The following TBC1D1 variants were observed in gnomAD, a reference collection of about 807,000 sequenced individuals.
The protein encoded by TBC1D1 is TBC1 (tre-2/USP6, BUB2, cdc16) domain family, member 1.
Under a neutral mutation model 125.6 loss-of-function variants are expected in TBC1D1, and 89 were observed. That is an observed-to-expected ratio of 0.71 (90% CI 0.60 to 0.85). The LOEUF is 0.85. TBC1D1 is among the 40% of genes least tolerant of loss of function. The pLI is 0.00. For synonymous variants in TBC1D1, 565 were observed against 564.1 expected, an observed-to-expected ratio of 1.00 and a Z score of -0.02; for missense variants, 1,377 against 1,469.2, an observed-to-expected ratio of 0.94 and a Z score of 1.03.
chr4:37,933,038 T>G (rs2152292174), intron 2 of TBC1D1, among the ~76,000 whole-genome samples: 1 of 149,980 alleles, frequency 6.7e-6, no homozygotes, highest in East Asian at 2.0e-4. Context: ...GGTGACAGAC[T>G]GAGACTCCAT....
chr4:37,901,484 A>G (rs980633184), intron 1 of TBC1D1, among the ~76,000 whole-genome samples: 1 of 152,176 alleles, frequency 6.6e-6, no homozygotes, highest in African/African-American at 2.4e-5. Context: ...GATGAGAAGA[A>G]GCCAGGTGTT....
At chr4:37,894,900 A>T (rs770948203) in intron 1 of TBC1D1, among the ~76,000 whole-genome samples, 59 of 152,202 alleles carry the variant, frequency 3.9e-4, no homozygotes, top group Non-Finnish European at 6.8e-4. Flanking sequence ...GATAAGACAG[A>T]TATAGATTCA....
chr4:38,067,443 A>G (rs1455390117), intron 12 of TBC1D1, among the ~76,000 whole-genome samples: 2 of 152,222 alleles, frequency 1.3e-5, no homozygotes, highest in African/African-American at 2.4e-5. Flanking sequence ...TTCCTCAAAC[A>G]GTTGCCAGGG....
chr4:38,043,873 G>A (rs921158907), intron 8 of TBC1D1, among the ~76,000 whole-genome samples: 1 of 152,184 alleles, frequency 6.6e-6, no homozygotes, highest in African/African-American at 2.4e-5. Context: ...CTTCTGAAAT[G>A]CCCCCAAAGG....
chr4:37,939,462 T>C lies in TBC1D1; in HGVS notation c.417+36950T>C, dbSNP rs1432191798. 2.0e-5 allele frequency among the ~76,000 whole-genome samples: 3 copies of C among 152,014 alleles called. No individual in the cohort carries two copies. In the East Asian group the frequency reaches 5.8e-4, roughly 29 times the overall value. On this transcript the variant is annotated intron_variant, in intron 2 of 19. Coordinates refer to ENST00000261439, the MANE Select transcript of TBC1D1 (RefSeq NM_015173.4). ...AGTAGATTGCAAAAACTTTCTCCCATTCTGTAGGTTGCCTGTTTACTCTGA... is the reference window on the plus strand; with the variant it reads ...AGTAGATTGCAAAAACTTTCTCCCACTCTGTAGGTTGCCTGTTTACTCTGA...
intron 2 of TBC1D1, among the ~76,000 whole-genome samples, chr4:37,922,684 T>A (rs1264362419): frequency 3.3e-5 from 5 of 152,338 alleles, no homozygotes; most frequent in African/African-American, 1.2e-4. Flanking sequence ...TGCTACAGAA[T>A]ATTCCTCCTT....
intron 12 of TBC1D1, among the ~76,000 whole-genome samples, chr4:38,087,523 C>T (rs577164225): frequency 6.6e-6 from 1 of 152,098 alleles, no homozygotes; most frequent in South Asian, 2.1e-4. Context: ...TGAGGTGAGC[C>T]CTTGTTTTAC....
At chr4:38,044,826 T>TA (rs1233609929) in intron 9 of TBC1D1, among the ~76,000 whole-genome samples, 1 of 152,198 alleles carries the variant, frequency 6.6e-6, no homozygotes, top group Non-Finnish European at 1.5e-5. Flanking sequence ...ATGTATAACT[T>TA]AAAAAACAGT....
chr4:37,969,073 GC>G (rs1731572902), intron 2 of TBC1D1, among the ~76,000 whole-genome samples: 1 of 152,126 alleles, frequency 6.6e-6, no homozygotes, highest in Non-Finnish European at 1.5e-5. Context: ...CATCCTGCAG[GC>G]CCACCATGCT....
chr4:37,972,205 G>A (rs1468570646), intron 2 of TBC1D1, among the ~76,000 whole-genome samples: 1 of 142,898 alleles, frequency 7.0e-6, no homozygotes, highest in Non-Finnish European at 1.5e-5. Context: ...ATGCCTGGCT[G>A]GGTGCGGTGG....
intron 7 of TBC1D1, among the ~76,000 whole-genome samples, chr4:38,028,393 T>A (rs914039802): frequency 3.9e-5 from 6 of 152,194 alleles, no homozygotes; most frequent in Non-Finnish European, 7.3e-5. Context: ...CTCGAACTCC[T>A]GACCTCATGA....
chr4:37,894,792 A>C (rs2152205844), intron 1 of TBC1D1, among the ~76,000 whole-genome samples: 1 of 152,276 alleles, frequency 6.6e-6, no homozygotes, highest in East Asian at 1.9e-4. Flanking sequence ...AGATAGACCA[A>C]CCCAGCTAAT....
At chr4:38,028,532 C>T (rs1745515184) in intron 7 of TBC1D1, among the ~76,000 whole-genome samples, 1 of 152,294 alleles carries the variant, frequency 6.6e-6, no homozygotes, top group South Asian at 2.1e-4. Flanking sequence ...CGCCCTGGGC[C>T]ACATGTTGGA....
Position 37,966,898 on chromosome 4 carries a change from C to T in TBC1D1, c.418-47611C>T, listed in dbSNP as rs556741286. Among the ~76,000 whole-genome samples, 5 of 152,324 alleles carry T rather than the reference C, an allele frequency of 3.3e-5. No individual in the cohort carries two copies. In the South Asian group the frequency reaches 1.0e-3, roughly 32 times the overall value. ...TTATATTCTGGAAGATGAGCTTGCT[C>T]AGTGCACCTGAAGATTACACTGAGT... On this transcript the variant is annotated intron_variant, in intron 2 of 19. Coordinates refer to ENST00000261439, the MANE Select transcript of TBC1D1 (RefSeq NM_015173.4).
chr4:37,998,659 G>T (rs1361760285), intron 2 of TBC1D1, among the ~76,000 whole-genome samples: 1 of 152,128 alleles, frequency 6.6e-6, no homozygotes, highest in Non-Finnish European at 1.5e-5. Flanking sequence ...CCACTCTTCA[G>T]CCCAGCGCAC....
chr4:37,949,284 G>A (rs1205190063), intron 2 of TBC1D1, among the ~76,000 whole-genome samples: 3 of 152,218 alleles, frequency 2.0e-5, no homozygotes, highest in Non-Finnish European at 4.4e-5. Context: ...AGGTATCAAT[G>A]ATAGTGCTGC....
chr4:38,073,782 A>G (rs1755107059), intron 12 of TBC1D1, among the ~76,000 whole-genome samples: 1 of 152,158 alleles, frequency 6.6e-6, no homozygotes, highest in African/African-American at 2.4e-5. Flanking sequence ...GGAGCTTGTT[A>G]CGTAAGGAGA....
rs1443878513 is a variant in TBC1D1 at position 38,090,038 on chromosome 4, G to A, written c.2157G>A (p.Glu719=). ...AGGAAAAGAAAAGGACATCTCGTGA[G>A]CTCCGAGAGCTGTGGCAAAAGGCTA... Residue 719 remains glutamate (E), a synonymous_variant, in exon 13 of 20, where the codon GAG becomes GAA. Coordinates refer to ENST00000261439, the MANE Select transcript of TBC1D1 (RefSeq NM_015173.4). The A allele has an allele frequency of 6.2e-7, 1 of 1,614,140 alleles. No individual in the cohort carries two copies. Among genetic ancestry groups the A allele is most frequent in the Admixed American group, 1.7e-5 (1 of 60,002 alleles).
intron 1 of TBC1D1, among the ~76,000 whole-genome samples, chr4:37,896,104 G>A (rs2152209485): frequency 6.6e-6 from 1 of 152,188 alleles, no homozygotes; most frequent in Non-Finnish European, 1.5e-5. Flanking sequence ...AGCTGCCTGG[G>A]GACTTCCTGT....
Sources: allele counts gnomAD v4.1 joint callset (sites outside exome capture counted in the v4.1 genomes callset), GRCh38; gene constraint gnomAD v4.1.1; transcripts MANE v1.5; gene names NCBI Gene and HGNC (gene_info 2026-07-23, HGNC 2026-07-21).